TMEM94: variants seen among roughly 807,000 people sequenced by gnomAD.
TMEM94 encodes transmembrane protein 94, also known as ER Mg2+ ATPase.
TMEM94 carries 81 observed loss-of-function variants against 158.6 expected under a neutral mutation model. The observed-to-expected ratio is 0.51, with a 90% CI of 0.43 to 0.61. The LOEUF (loss-of-function observed/expected upper bound fraction) is 0.61, where lower values mean the gene tolerates loss of function less well. TMEM94 is among the 20% of genes least tolerant of loss of function. TMEM94 has a pLI of 0.00. For missense variants in TMEM94, 1,435 were observed against 1,762.0 expected (o/e 0.81, Z 3.32); for synonymous variants, 751 against 730.7 (o/e 1.03, Z -0.45).
intron 18 of TMEM94, 131 bp downstream of exon 18, chr17:75,494,047 G>A: frequency 1.2e-6 from 1 of 828,216 alleles, no homozygotes; most frequent in Non-Finnish European, 1.9e-6. Context: ...ACAGCCCCAG[G>A]CTGGGACGCC....
In TMEM94 at chr17:75,499,333, G is replaced by A. The variant is rs1252344226; in HGVS notation, c.4070G>A (p.Ter1357=). The change falls in exon 32 of 32, where the codon TGA becomes TAA. Residue 1357 remains the stop codon, a stop_retained_variant. Transcript: ENST00000314256. ...AAGCTGGGCATGAACTCTCCCTTCT[G>A]AGCCACTGGCTGTGGTGGCTGTAGT... ...ETKLGMNSPF[*] 1 of 1,613,558 alleles carries A rather than the reference G, an allele frequency of 6.2e-7. No individual in the cohort carries two copies. The highest frequency in any genetic ancestry group is 8.5e-7 in the Non-Finnish European group (1 of 1,179,860).
Position 75,461,437 on chromosome 17 carries a change from T to C in TMEM94, c.-107+4686T>C, listed in dbSNP as rs967997362. ...TCTTTTAAAGACATATTGGATACAT[T>C]CACATGGTTTGAAAATCAAAAGGCA... On this transcript the variant is annotated intron_variant, in intron 1 of 31. Transcript: ENST00000314256. 6.6e-5 allele frequency among the ~76,000 whole-genome samples: 10 copies of C among 152,238 alleles called. No homozygotes were observed. The East Asian group carries it at 1.7e-3, about 26-fold the overall frequency.
chr17:75,495,795 G>A lies in TMEM94; in HGVS notation c.2944+152G>A. On this transcript the variant is annotated intron_variant, in intron 22 of 31. Coordinates refer to ENST00000314256, the MANE Select transcript of TMEM94 (RefSeq NM_014738.6). The surrounding 1 kb of genome is among the most constrained non-coding windows in gnomAD (Gnocchi z 5.6). ...TGGGATCAGCTGGGGAATCTTGTGG[G>A]TTGGAGTCAGAAGTGCCGATGTTCA... 1 of 865,884 alleles carries A rather than the reference G, an allele frequency of 1.2e-6. No homozygotes were observed. The highest frequency in any genetic ancestry group is 1.8e-6 in the Non-Finnish European group (1 of 546,448). 53.6% of individuals were successfully genotyped at this position (865,884 alleles called of 1,614,324 possible).
At chr17:75,496,614 C>G in intron 24 of TMEM94, 116 bp from the exon 25 acceptor site, 1 of 1,384,552 alleles carries the variant, frequency 7.2e-7, no homozygotes, top group Non-Finnish European at 1.0e-6. Flanking sequence ...ACATTCGCCT[C>G]TGCTCCCCTC....
rs747401780 is a variant in TMEM94 at position 75,491,398 on chromosome 17, C to T, written c.1329C>T (p.His443=). The part of the protein sequence containing the change: ...LFFSGKVEPP[H]SSHEDLTDGL... ...TCAGCGGGAAGGTGGAGCCCCCTCA[C>T]AGCAGCCATGAGGACCTCACCGATG... Residue 443 remains histidine, a synonymous_variant, in exon 13 of 32, where the codon CAC becomes CAT. Coordinates refer to ENST00000314256, the MANE Select transcript of TMEM94 (RefSeq NM_014738.6). This position sits in a 1 kb window ranked among gnomAD's most constrained non-coding sequence, Gnocchi z 5.1. 2.8e-5 allele frequency: 45 copies of T among 1,614,014 alleles called. No homozygotes were observed. Among genetic ancestry groups the T allele is most frequent in the African/African-American group, 2.7e-5 (2 of 74,940 alleles).
At chr17:75,461,061 G>T (rs1324035642) in intron 1 of TMEM94, among the ~76,000 whole-genome samples, 1 of 148,766 alleles carries the variant, frequency 6.7e-6, no homozygotes, top group Non-Finnish European at 1.5e-5. Flanking sequence ...CATATAAGAG[G>T]AATCATACAA....
At chr17:75,465,995 T>C (rs2050298007) in intron 1 of TMEM94, among the ~76,000 whole-genome samples, 1 of 152,168 alleles carries the variant, frequency 6.6e-6, no homozygotes, top group Non-Finnish European at 1.5e-5. Flanking sequence ...CATAGTTCAC[T>C]GTAACCTTCA....
In TMEM94 at chr17:75,490,728, C is replaced by A; in HGVS notation, c.1098C>A (p.Leu366=). ...SLLAKFSEDT[L]SSYTEAVSSQ... Reference sequence around the variant, plus strand: ...TGGCTAAGTTCTCAGAGGATACTCTCAGCAGCTATACGGAGGCTGTCTCCT... The same window carrying A: ...TGGCTAAGTTCTCAGAGGATACTCTAAGCAGCTATACGGAGGCTGTCTCCT... Residue 366 remains leucine, a synonymous_variant, in exon 11 of 32, where the codon CTC becomes CTA. Transcript: ENST00000314256. The A allele has an allele frequency of 6.2e-7, 1 of 1,614,166 alleles. No individual in the cohort carries two copies. The highest frequency in any genetic ancestry group is 1.1e-5 in the South Asian group (1 of 91,080).
At position 75,491,058 on chromosome 17, in the gene TMEM94, C is replaced by T. The variant is rs193122944; in HGVS notation, c.1138C>T (p.Arg380Cys). Residue 380 changes from arginine to cysteine, a missense_variant, in exon 12 of 32, where the codon CGC (arginine) becomes TGC (cysteine). Physicochemically the swap from Arg to Cys is radical, Grantham distance 180 (BLOSUM62 -3). This residue lies in a region of TMEM94 where 1,051 missense variants were observed against 1,254.4 expected (regional missense o/e 0.84). Transcript: ENST00000314256. This position sits in a 1 kb window ranked among gnomAD's most constrained non-coding sequence, Gnocchi z 5.1. ...TCCTCTCTCCCACCAGGAAATGCTGCGCTGCATTTGGGGCCACTTCCTGAG... is the reference window on the plus strand; with the variant it reads ...TCCTCTCTCCCACCAGGAAATGCTGTGCTGCATTTGGGGCCACTTCCTGAG... ...TEAVSSQEML[R>C]CIWGHFLRVL... The T allele has an allele frequency of 3.7e-6, 6 of 1,609,738 alleles. No individual in the cohort carries two copies. Among genetic ancestry groups the T allele is most frequent in the East Asian group, 2.2e-5 (1 of 44,878 alleles).
chr17:75,463,831 A>T (rs2050194641), intron 1 of TMEM94, among the ~76,000 whole-genome samples: 1 of 152,162 alleles, frequency 6.6e-6, no homozygotes, highest in African/African-American at 2.4e-5. Context: ...TTCCTCACCC[A>T]AGTCATTGAT....
intron 16 of TMEM94, 172 bp downstream of exon 16, chr17:75,493,274 T>A: frequency 1.1e-6 from 1 of 875,710 alleles, no homozygotes; most frequent in Non-Finnish European, 1.7e-6. Context: ...GGGATGGTGT[T>A]GGCTGCAGAG....
intron 1 of TMEM94, chr17:75,457,297 C>T (rs1321365059): frequency 6.6e-6 from 1 of 152,266 alleles, no homozygotes; most frequent in Non-Finnish European, 1.5e-5. Context: ...TTTCCAGAAG[C>T]GTTTTCAGGC....
At chr17:75,468,544 C>G (rs2050386281) in intron 1 of TMEM94, among the ~76,000 whole-genome samples, 2 of 152,198 alleles carry the variant, frequency 1.3e-5, no homozygotes, top group African/African-American at 4.8e-5. Flanking sequence ...GATTTGGTCC[C>G]TCAGGATCCC....
rs1598397356 is a variant in TMEM94 at position 75,488,631 on chromosome 17, T to C, written c.613-128T>C. ...TAAAAGTCTAGTCCCACAGGCCCTGTCCCAGTGGACTCTGGGCTAACTGAT... is the reference window on the plus strand; with the variant it reads ...TAAAAGTCTAGTCCCACAGGCCCTGCCCCAGTGGACTCTGGGCTAACTGAT... On this transcript the variant is annotated intron_variant, in intron 6 of 31. Coordinates refer to ENST00000314256, the MANE Select transcript of TMEM94 (RefSeq NM_014738.6). 9.3e-6 allele frequency: 10 copies of C among 1,076,660 alleles called. No homozygotes were observed. The East Asian group carries it at 9.7e-5, about 10-fold the overall frequency. The allele number at this position is 1,076,660 out of a possible 1,614,324, so 66.7% of individuals were successfully genotyped here.
intron 2 of TMEM94, among the ~76,000 whole-genome samples, chr17:75,484,782 A>G (rs2051450402): frequency 6.6e-6 from 1 of 152,096 alleles, no homozygotes; most frequent in Admixed American, 6.5e-5. Context: ...CACGCCAGTC[A>G]TCCCAGCACT....
At chr17:75,472,604 G>T (rs555203622) in intron 2 of TMEM94, among the ~76,000 whole-genome samples, 7 of 152,274 alleles carry the variant, frequency 4.6e-5, no homozygotes, top group Middle Eastern at 6.8e-3. Context: ...CAGGAGAATC[G>T]CTTGAACCCA....
At position 75,486,437 on chromosome 17, in the gene TMEM94, G is replaced by A. The variant is rs1438743545; in HGVS notation, c.409+11G>A. 1.9e-6 allele frequency: 3 copies of A among 1,614,082 alleles called. No homozygotes were observed. In the African/African-American group the frequency reaches 4.0e-5, roughly 22 times the overall value. On this transcript the variant is annotated intron_variant, in intron 5 of 31. Coordinates refer to ENST00000314256, the MANE Select transcript of TMEM94 (RefSeq NM_014738.6). ...TTGACCAAATCCAAGGTGAGGTCAA[G>A]GGCAGGCATATTGGTGGGAAAAGAT...
chr17:75,490,922 C>T (rs747030934), intron 11 of TMEM94, 127 bp from the exon 12 acceptor site: 3 of 938,548 alleles, frequency 3.2e-6, no homozygotes, highest in African/African-American at 1.6e-5. Flanking sequence ...GTGTCCACAC[C>T]CTGTCCCAGA....
chr17:75,489,541 C>T lies in TMEM94; in HGVS notation c.868-35C>T, dbSNP rs369234918. On this transcript the variant is annotated intron_variant, in intron 8 of 31. Coordinates refer to ENST00000314256, the MANE Select transcript of TMEM94 (RefSeq NM_014738.6). The surrounding 1 kb of genome is among the most constrained non-coding windows in gnomAD (Gnocchi z 5.0). The stretch of plus-strand genomic sequence containing the variant: ...CAGTGCCTGGGTCCCTCTAGAGGGG[C>T]GGGGTCAAGGCTGTGCCTCTGCTGT... The T allele has an allele frequency of 7.8e-5, 124 of 1,589,970 alleles. No individual in the cohort carries two copies. The highest frequency in any genetic ancestry group is 6.4e-4 in the South Asian group (58 of 90,522).
Sources: gnomAD v4.1 joint callset for allele counts (sites outside exome capture counted in the v4.1 genomes callset) on GRCh38, gnomAD v4.1.1 for gene constraint, gnomAD v4.1.1 regional missense constraint, Gnocchi (gnomAD v3.1) non-coding constraint, MANE v1.5 for transcripts, NCBI Gene and HGNC (gene_info 2026-07-23, HGNC 2026-07-21) for gene names.